CLSTN2: variants seen among roughly 807,000 people sequenced by gnomAD.
CLSTN2 encodes calsyntenin-2.
A neutral mutation model predicts 101.2 loss-of-function variants in CLSTN2; 48 were observed. That is an observed-to-expected ratio of 0.47 (90% confidence interval 0.38 to 0.60). The LOEUF (loss-of-function observed/expected upper bound fraction) is 0.60, where lower values mean the gene tolerates loss of function less well. CLSTN2 is among the 20% of genes least tolerant of loss of function. The pLI is 0.00. For missense variants in CLSTN2, 1,160 were observed against 1,238.2 expected, an observed-to-expected ratio of 0.94 and a Z score of 0.95; for synonymous variants, 481 against 463.6, an observed-to-expected ratio of 1.04 and a Z score of -0.48.
chr3:140,483,940 T>C (rs1362537569), intron 8 of CLSTN2, among the ~76,000 whole-genome samples: 1 of 152,238 alleles, frequency 6.6e-6, no homozygotes, highest in Admixed American at 6.5e-5. Flanking sequence ...TGTCTTTTAA[T>C]TGGAGCATTT....
At chr3:140,241,812 C>T (rs11928105) in intron 2 of CLSTN2, among the ~76,000 whole-genome samples, 156 of 137,694 alleles carry the variant, frequency 1.1e-3, no homozygotes, top group African/African-American at 3.0e-3. Context: ...TATATATACA[C>T]ATATATATAT....
chr3:140,292,568 C>A (rs180976593), intron 2 of CLSTN2, among the ~76,000 whole-genome samples: 1 of 152,132 alleles, frequency 6.6e-6, no homozygotes, highest in Non-Finnish European at 1.5e-5. Flanking sequence ...CTCTAGTTAC[C>A]CCAGCACTTC....
intron 1 of CLSTN2, among the ~76,000 whole-genome samples, chr3:140,174,145 T>C (rs2010285069): frequency 6.6e-6 from 1 of 152,232 alleles, no homozygotes; most frequent in Admixed American, 6.5e-5. Context: ...ATCTCTTGAA[T>C]GCTTTGCTGC....
rs116636962 is a variant in CLSTN2, at chr3:140,304,991, C to T, written c.233-98638C>T. 3.0e-3 allele frequency among the ~76,000 whole-genome samples: 459 copies of T among 151,724 alleles called. 4 individuals are homozygous for T. Among genetic ancestry groups the T allele is most frequent in the African/African-American group, 0.011 (437 of 41,340 alleles). ...AGCTATGCATGATAGTTTGCTTCTC[C>T]CTGGAGGACATAGCTGTCACACACA... On this transcript the variant is annotated intron_variant, in intron 2 of 16. Transcript: ENST00000458420.
intron 5 of CLSTN2, among the ~76,000 whole-genome samples, chr3:140,429,546 AT>A (rs916557140): frequency 3.3e-5 from 5 of 152,180 alleles, no homozygotes; most frequent in African/African-American, 1.2e-4. Flanking sequence ...GGACCAGGTC[AT>A]GGAGGGAGGG....
At position 140,403,804 on chromosome 3, in the gene CLSTN2, A is replaced by G; in HGVS notation, c.408A>G (p.Thr136=). 1 of 1,611,310 alleles carries G rather than the reference A, an allele frequency of 6.2e-7. No homozygotes were observed. Among genetic ancestry groups the G allele is most frequent in the East Asian group, 2.2e-5 (1 of 44,816 alleles). ...ACTGTGGTGCTGGGCCCCACGAGACAGCCTGGAAAAAGTCACACAAGTGAG... is the reference window on the plus strand; with the variant it reads ...ACTGTGGTGCTGGGCCCCACGAGACGGCCTGGAAAAAGTCACACAAGTGAG... The part of the protein sequence containing the change: ...AYDCGAGPHE[T]AWKKSHKAVV... Residue 136 remains threonine, a synonymous_variant, in exon 3 of 17, where the codon ACA becomes ACG. Coordinates refer to ENST00000458420, the MANE Select transcript of CLSTN2 (RefSeq NM_022131.3).
intron 8 of CLSTN2, among the ~76,000 whole-genome samples, chr3:140,513,244 T>C (rs1251861218): frequency 6.6e-6 from 1 of 152,184 alleles, no homozygotes; most frequent in Non-Finnish European, 1.5e-5. Context: ...GGCTGTGTGT[T>C]TGTCATAGAT....
At chr3:140,235,419 A>G (rs996765085) in intron 2 of CLSTN2, among the ~76,000 whole-genome samples, 1 of 152,122 alleles carries the variant, frequency 6.6e-6, no homozygotes, top group Non-Finnish European at 1.5e-5. Context: ...GCTGCTGGGT[A>G]TTGAAGCAGA....
chr3:140,400,307 G>A (rs376240416), intron 2 of CLSTN2, among the ~76,000 whole-genome samples: 26 of 152,244 alleles, frequency 1.7e-4, no homozygotes, highest in Middle Eastern at 3.4e-3. Flanking sequence ...GCAGCAAGAC[G>A]TGGTGGACAT....
At chr3:140,153,167 C>G (rs2009894224) in intron 1 of CLSTN2, among the ~76,000 whole-genome samples, 1 of 152,224 alleles carries the variant, frequency 6.6e-6, no homozygotes, top group African/African-American at 2.4e-5. Flanking sequence ...ATGTCCCCTG[C>G]ACAGCCTCTC....
At chr3:140,439,894 G>A (rs2108003416) in intron 5 of CLSTN2, among the ~76,000 whole-genome samples, 2 of 152,338 alleles carry the variant, frequency 1.3e-5, no homozygotes, top group South Asian at 4.1e-4. Context: ...GAGTGTGCAT[G>A]TTTATATGTC....
At chr3:140,420,207 T>A (rs1213453232) in intron 4 of CLSTN2, among the ~76,000 whole-genome samples, 1 of 152,076 alleles carries the variant, frequency 6.6e-6, no homozygotes, top group South Asian at 2.1e-4. Flanking sequence ...TTTGTTCATT[T>A]GTTTTTTAAT....
chr3:140,154,906 G>T (rs1474443210), intron 1 of CLSTN2, among the ~76,000 whole-genome samples: 1 of 152,042 alleles, frequency 6.6e-6, no homozygotes, highest in Non-Finnish European at 1.5e-5. Context: ...AGCCTGGGAA[G>T]TACCACACTT....
intron 8 of CLSTN2, among the ~76,000 whole-genome samples, chr3:140,472,936 G>A (rs532408038): frequency 6.6e-5 from 10 of 152,244 alleles, no homozygotes; most frequent in Non-Finnish European, 1.0e-4. Context: ...CTCCCTGACT[G>A]TTTCCATTTC....
At chr3:140,381,058 T>A (rs1462847333) in intron 2 of CLSTN2, among the ~76,000 whole-genome samples, 3 of 152,216 alleles carry the variant, frequency 2.0e-5, no homozygotes, top group Non-Finnish European at 4.4e-5. Context: ...AATCAAGCTA[T>A]TGGCAGGGTC....
intron 1 of CLSTN2, among the ~76,000 whole-genome samples, chr3:140,156,425 G>T (rs1409817897): frequency 6.6e-6 from 1 of 152,176 alleles, no homozygotes; most frequent in African/African-American, 2.4e-5. Flanking sequence ...TTGAATTGAT[G>T]AATGGTATTT....
intron 6 of CLSTN2, among the ~76,000 whole-genome samples, chr3:140,451,471 A>G (rs923164492): frequency 3.3e-5 from 5 of 152,092 alleles, no homozygotes; most frequent in Non-Finnish European, 5.9e-5. Context: ...GTTTCTCTCC[A>G]TGGCACTGCC....
chr3:140,084,977 G>T (rs539221747), intron 1 of CLSTN2, among the ~76,000 whole-genome samples: 1 of 152,322 alleles, frequency 6.6e-6, no homozygotes, highest in African/African-American at 2.4e-5. Context: ...CACAGCATGT[G>T]CAATCCATGA....
chr3:139,941,721 G>T (rs1032958453), intron 1 of CLSTN2, among the ~76,000 whole-genome samples: 5 of 152,152 alleles, frequency 3.3e-5, no homozygotes, highest in African/African-American at 9.7e-5. Context: ...CACTGGACAG[G>T]TAAATACAAG....
Sources: allele counts gnomAD v4.1 joint callset (sites outside exome capture counted in the v4.1 genomes callset), GRCh38; gene constraint gnomAD v4.1.1; transcripts MANE v1.5; gene names NCBI Gene and HGNC (gene_info 2026-07-23, HGNC 2026-07-21).